CHRM5: variants seen among roughly 807,000 people sequenced by gnomAD.
CHRM5 encodes cholinergic receptor muscarinic 5.
CHRM5 carries 18 observed loss-of-function variants against 39.0 expected under a neutral mutation model. The ratio of observed to expected loss-of-function variants is 0.46; its 90% CI spans 0.32 to 0.68. The LOEUF is 0.68. CHRM5 is among the 30% of genes least tolerant of loss of function. The probability of loss-of-function intolerance (pLI) is 0.04; values close to 1 mark genes in which losing one functional copy is unlikely to be tolerated. For synonymous variants in CHRM5, 241 were observed against 246.3 expected (o/e 0.98, Z 0.20); for missense variants, 515 against 651.1 (o/e 0.79, Z 2.28).
In CHRM5 at chr15:34,025,638, C is replaced by A. The variant is rs373623407; in HGVS notation, c.-407-20902C>A. Among the ~76,000 whole-genome samples the A allele has an allele frequency of 7.2e-5, 11 of 152,144 alleles. 1 individual carries two copies. In the South Asian group the frequency reaches 2.3e-3, roughly 32 times the overall value. ...TTGTGCAATGGTTATAAAAGATTTC[C>A]TTGCTTTTAGGAAATACACATTGAA... is the stretch of plus-strand genomic sequence containing the variant. On this transcript the variant is annotated intron_variant, in intron 1 of 2. Coordinates refer to ENST00000383263, the MANE Select transcript of CHRM5 (RefSeq NM_012125.4).
chr15:34,002,969 T>C (rs368043495), intron 1 of CHRM5: 2 of 1,368,954 alleles, frequency 1.5e-6, no homozygotes, highest in South Asian at 2.9e-5. Context: ...TTTAAAAACA[T>C]ATATAAAATG....
At chr15:34,006,551 T>A (rs933891324) in intron 1 of CHRM5, among the ~76,000 whole-genome samples, 1 of 152,230 alleles carries the variant, frequency 6.6e-6, no homozygotes, top group African/African-American at 2.4e-5. Context: ...AAGAGGATTA[T>A]GATCTAAAAC....
intron 1 of CHRM5, among the ~76,000 whole-genome samples, chr15:33,985,033 G>A (rs1165163676): frequency 6.6e-6 from 1 of 152,006 alleles, no homozygotes; most frequent in East Asian, 1.9e-4. Context: ...TTATCCCACA[G>A]CATTCTGTAT....
At position 33,989,183 on chromosome 15, in the gene CHRM5, G is replaced by A. The variant is rs72718639; in HGVS notation, c.-408+20033G>A. 8.1e-4 allele frequency among the ~76,000 whole-genome samples: 123 copies of A among 152,136 alleles called. 1 individual carries two copies. The highest frequency in any genetic ancestry group is 5.8e-3 in the Admixed American group (89 of 15,280). Reference sequence around the variant, plus strand: ...AAAAGCTAAATAAAAGAGAAGATGAGTTAATGATCATTTATTTTTCTAATT... The same window carrying A: ...AAAAGCTAAATAAAAGAGAAGATGAATTAATGATCATTTATTTTTCTAATT... On this transcript the variant is annotated intron_variant, in intron 1 of 2. Coordinates refer to ENST00000383263, the MANE Select transcript of CHRM5 (RefSeq NM_012125.4).
At chr15:34,052,801 C>G (rs79107304) in intron 2 of CHRM5, among the ~76,000 whole-genome samples, 2 of 152,036 alleles carry the variant, frequency 1.3e-5, no homozygotes, top group Admixed American at 1.3e-4. Flanking sequence ...AAGTGAAGGA[C>G]CTCTTCAAGG....
chr15:33,999,856 G>A (rs552783108), intron 1 of CHRM5, among the ~76,000 whole-genome samples: 1 of 152,266 alleles, frequency 6.6e-6, no homozygotes, highest in South Asian at 2.1e-4. Context: ...ACACAGGAGT[G>A]TTATATCACT....
At chr15:33,990,164 G>A (rs1286790091) in intron 1 of CHRM5, among the ~76,000 whole-genome samples, 5 of 148,994 alleles carry the variant, frequency 3.4e-5, no homozygotes, top group African/African-American at 1.0e-4. Context: ...AGATTGCATC[G>A]TTGCAATCCA....
At position 34,065,963 on chromosome 15, in the gene CHRM5, G is replaced by C. The variant is rs1161570341; in HGVS notation, c.*1647G>C. 1 of 152,254 alleles carries C rather than the reference G, an allele frequency of 6.6e-6. No individual in the cohort carries two copies. Among genetic ancestry groups the C allele is most frequent in the Non-Finnish European group, 1.5e-5 (1 of 68,058 alleles). The allele number at this position is 152,254 out of a possible 1,614,324, so 9.4% of individuals were successfully genotyped here. ...GCTGGTTTAGTTGTCCTGGGAATTA[G>C]ATATGTACCTGAGTATGGGAGAGCT... On this transcript the variant is annotated 3_prime_UTR_variant, in exon 3 of 3. Transcript: ENST00000383263.
intron 1 of CHRM5, among the ~76,000 whole-genome samples, chr15:34,042,396 G>GTTTTTTT (rs35456951): frequency 7.7e-6 from 1 of 130,386 alleles, no homozygotes; most frequent in African/African-American, 3.0e-5. Context: ...CATGACCTAA[G>GTTTTTTT]TTTTTTTTTT....
chr15:34,042,337 G>A (rs115030212), intron 1 of CHRM5, among the ~76,000 whole-genome samples: 2,118 of 151,512 alleles, frequency 0.014, 60 homozygotes, highest in African/African-American at 0.048. Context: ...AATTATATAG[G>A]TAGCTCCTTA....
At chr15:34,001,475 T>G (rs1248256246) in intron 1 of CHRM5, among the ~76,000 whole-genome samples, 1 of 152,228 alleles carries the variant, frequency 6.6e-6, no homozygotes, top group African/African-American at 2.4e-5. Flanking sequence ...CTAGATCTTC[T>G]GGCAGAACAG....
intron 1 of CHRM5, among the ~76,000 whole-genome samples, chr15:34,023,071 C>T (rs147756834): frequency 6.4e-4 from 98 of 152,284 alleles, no homozygotes; most frequent in African/African-American, 2.2e-3. Flanking sequence ...CCTGTAGTCC[C>T]AGCTACTCAG....
intron 1 of CHRM5, among the ~76,000 whole-genome samples, chr15:33,982,658 G>C (rs1459274341): frequency 6.6e-6 from 1 of 152,120 alleles, no homozygotes; most frequent in Non-Finnish European, 1.5e-5. Context: ...TTTGAATTTA[G>C]TAATGGAAAC....
At chr15:34,047,995 T>A (rs764567753) in intron 2 of CHRM5, among the ~76,000 whole-genome samples, 3 of 151,826 alleles carry the variant, frequency 2.0e-5, no homozygotes, top group Non-Finnish European at 2.9e-5. Flanking sequence ...TAGCTGGGAC[T>A]ACAGGCACAC....
intron 1 of CHRM5, among the ~76,000 whole-genome samples, chr15:34,044,103 A>G (rs951926843): frequency 2.6e-5 from 4 of 152,160 alleles, no homozygotes; most frequent in Non-Finnish European, 1.5e-5. Flanking sequence ...AATGAAAAAA[A>G]AAAAAAACTT....
At position 34,064,717 on chromosome 15, in the gene CHRM5, A is replaced by T; in HGVS notation, c.*401A>T. The T allele has an allele frequency of 4.6e-6, 1 of 215,638 alleles. No homozygotes were observed. Among genetic ancestry groups the T allele is most frequent in the East Asian group, 1.3e-4 (1 of 7,988 alleles). The allele number at this position is 215,638 out of a possible 1,614,324, so 13.4% of individuals were successfully genotyped here. A position where few individuals can be genotyped will look rare whatever the true frequency, so the allele number is the denominator to read the frequency against. On this transcript the variant is annotated 3_prime_UTR_variant, in exon 3 of 3. Transcript: ENST00000383263. ...TGTCATAGAATTTTGTGCAATATGT[A>T]TGTGTCTATGAAGCTGTCTTGTGCC... is the stretch of plus-strand genomic sequence containing the variant.
chr15:33,984,783 C>T (rs1043907319), intron 1 of CHRM5, among the ~76,000 whole-genome samples: 1 of 152,100 alleles, frequency 6.6e-6, no homozygotes, highest in African/African-American at 2.4e-5. Context: ...AAAAATGAGA[C>T]AAACGTTAGT....
At chr15:34,042,392 C>T (rs1899506527) in intron 1 of CHRM5, among the ~76,000 whole-genome samples, 3 of 149,334 alleles carry the variant, frequency 2.0e-5, no homozygotes, top group Non-Finnish European at 3.0e-5. Flanking sequence ...CATACATGAC[C>T]TAAGTTTTTT....
intron 1 of CHRM5, among the ~76,000 whole-genome samples, chr15:33,994,236 G>A (rs1486366740): frequency 6.6e-6 from 1 of 152,312 alleles, no homozygotes; most frequent in South Asian, 2.1e-4. Flanking sequence ...AGCAGCATTC[G>A]ATTCTCATAG....
Sources: gnomAD v4.1 joint callset for allele counts (sites outside exome capture counted in the v4.1 genomes callset) on GRCh38, gnomAD v4.1.1 for gene constraint, MANE v1.5 for transcripts, NCBI Gene and HGNC (gene_info 2026-07-23, HGNC 2026-07-21) for gene names.